Variants in PIK3R3 observed in about 807,000 individuals in gnomAD.
The protein encoded by PIK3R3 is phosphoinositide-3-kinase regulatory subunit 3, also known as phosphatidylinositol 3-kinase regulatory subunit gamma.
In PIK3R3, 64 loss-of-function variants were observed where a neutral mutation model predicts 62.9. The ratio of observed to expected loss-of-function variants is 1.02; its 90% CI spans 0.83 to 1.25. PIK3R3 has a LOEUF of 1.25. Ranked by LOEUF, PIK3R3 falls within the 50% of genes most tolerant of loss-of-function variation. The pLI is 0.00. For missense variants in PIK3R3, 614 were observed against 561.6 expected, an observed-to-expected ratio of 1.09 and a Z score of -0.94; for synonymous variants, 165 against 189.0, an observed-to-expected ratio of 0.87 and a Z score of 1.04.
At chr1:46,047,464 G>GAAAT (rs1222233792) in intron 7 of PIK3R3, among the ~76,000 whole-genome samples, 1 of 144,264 alleles carries the variant, frequency 6.9e-6, no homozygotes, top group East Asian at 2.0e-4. Flanking sequence ...AAGAAAGAAA[G>GAAAT]AAAAGAAAAA....
chr1:46,057,829 C>T (rs1648075779), intron 6 of PIK3R3, among the ~76,000 whole-genome samples: 1 of 152,086 alleles, frequency 6.6e-6, no homozygotes, highest in Admixed American at 6.5e-5. Context: ...AAATTTGCAG[C>T]CTGACAATGC....
chr1:46,053,677 C>G (rs1348589639), intron 7 of PIK3R3, among the ~76,000 whole-genome samples: 3 of 152,112 alleles, frequency 2.0e-5, no homozygotes, highest in Non-Finnish European at 4.4e-5. Flanking sequence ...GACTTCCTAG[C>G]CTCTAGAACT....
chr1:46,110,318 C>T (rs546770850), intron 1 of PIK3R3, among the ~76,000 whole-genome samples: 1 of 135,194 alleles, frequency 7.4e-6, no homozygotes, highest in East Asian at 2.3e-4. Context: ...GTTGAGGTTT[C>T]ACCATGTTGG....
chr1:46,116,347 C>T, intron 1 of PIK3R3, among the ~76,000 whole-genome samples: 1 of 151,532 alleles, frequency 6.6e-6, no homozygotes, highest in Non-Finnish European at 1.5e-5. Flanking sequence ...GCCGTCTCTA[C>T]AAAAATTAAA....
chr1:46,145,621 A>C, the PIK3R3 span, among the ~76,000 whole-genome samples: 1 of 152,158 alleles, frequency 6.6e-6, no homozygotes, highest in Admixed American at 6.5e-5. Flanking sequence ...GGAAGGCATT[A>C]ATATATTTGT....
chr1:46,040,285 G>A lies in PIK3R3; in HGVS notation c.*3388C>T. 1 of 232,712 alleles carries A rather than the reference G, an allele frequency of 4.3e-6. No homozygotes were observed. Among genetic ancestry groups the A allele is most frequent in the African/African-American group, 2.2e-5 (1 of 45,382 alleles). The allele number at this position is 232,712 out of a possible 1,614,324, so 14.4% of individuals were successfully genotyped here. A position where few individuals can be genotyped will look rare whatever the true frequency, so the allele number is the denominator to read the frequency against. On this transcript the variant is annotated 3_prime_UTR_variant, in exon 10 of 10. Coordinates refer to ENST00000262741, the MANE Select transcript of PIK3R3 (RefSeq NM_003629.4). ...CCCCAACAATTGCACAGCAATGTCT[G>A]AACACATCTGGTGACAAGAACAATT...
intron 1 of PIK3R3, among the ~76,000 whole-genome samples, chr1:46,125,112 AAAAATT>A (rs1202352326): frequency 2.0e-5 from 3 of 152,150 alleles, no homozygotes; most frequent in Non-Finnish European, 4.4e-5. Context: ...AAAAAATTTT[AAAAATT>A]AAAATTAAAA....
intron 1 of PIK3R3, among the ~76,000 whole-genome samples, chr1:46,104,165 T>A (rs4300171): frequency 6.6e-6 from 1 of 151,922 alleles, no homozygotes; most frequent in Non-Finnish European, 1.5e-5. Context: ...TGACCTCAGG[T>A]GATCCACTCG....
chr1:46,155,896 A>C, the PIK3R3 span, among the ~76,000 whole-genome samples: 1 of 152,220 alleles, frequency 6.6e-6, no homozygotes, highest in African/African-American at 2.4e-5. Flanking sequence ...AGTCATACTC[A>C]TTCATTTACG....
In PIK3R3 at chr1:46,132,317, T is replaced by C. The variant is rs1444531033; in HGVS notation, c.-365A>G. The stretch of plus-strand genomic sequence containing the variant: ...CCAAATCTTTCCGCGGAAGCCACTT[T>C]TGTGTCCTTCGAAGGAGGGAGAATG... On this transcript the variant is annotated 5_prime_UTR_variant, in exon 1 of 10. Coordinates refer to ENST00000262741, the MANE Select transcript of PIK3R3 (RefSeq NM_003629.4). The C allele has an allele frequency of 2.7e-6, 3 of 1,117,470 alleles. No homozygotes were observed. In the East Asian group the frequency reaches 2.2e-4, roughly 81 times the overall value. 69.2% of individuals were successfully genotyped at this position (1,117,470 alleles called of 1,614,324 possible).
At chr1:46,165,206 T>C in the PIK3R3 span, among the ~76,000 whole-genome samples, 1 of 152,122 alleles carries the variant, frequency 6.6e-6, no homozygotes, top group Non-Finnish European at 1.5e-5. Context: ...CAAACTAGGC[T>C]ATGTGTTCTT....
chr1:46,049,514 G>A (rs2149377169), intron 7 of PIK3R3, among the ~76,000 whole-genome samples: 1 of 152,366 alleles, frequency 6.6e-6, no homozygotes, highest in Non-Finnish European at 1.5e-5. Context: ...ATCCTGGATG[G>A]AGAATGAGGT....
At chr1:46,105,202 T>G in intron 1 of PIK3R3, 1 of 516,340 alleles carries the variant, frequency 1.9e-6, no homozygotes. Context: ...AATACTGAAT[T>G]GTTTAAAAAA....
chr1:46,124,046 G>A (rs1654884771), intron 1 of PIK3R3, among the ~76,000 whole-genome samples: 1 of 152,084 alleles, frequency 6.6e-6, no homozygotes, highest in African/African-American at 2.4e-5. Flanking sequence ...GTAAACACTG[G>A]GAAGGAAGAA....
chr1:46,146,562 A>G, the PIK3R3 span, among the ~76,000 whole-genome samples: 8 of 152,234 alleles, frequency 5.3e-5, no homozygotes, highest in African/African-American at 1.9e-4. Flanking sequence ...GCAGCCAAAA[A>G]TGTCAAATGT....
chr1:46,078,658 C>T (rs1229568913), intron 2 of PIK3R3, among the ~76,000 whole-genome samples: 2 of 152,132 alleles, frequency 1.3e-5, no homozygotes, highest in Admixed American at 1.3e-4. Context: ...CCCAAAATAA[C>T]TGAAAGCAGG....
rs558130540 is a variant in PIK3R3 at position 46,040,884 on chromosome 1, G to A, written c.*2789C>T. On this transcript the variant is annotated 3_prime_UTR_variant, in exon 10 of 10. Transcript: ENST00000262741. ...GGACGCAGGCAGTCTATCCAGGCCC[G>A]AATCATGGCGTGCCATCTAAGGCCA... 1.0e-4 allele frequency: 18 copies of A among 178,776 alleles called. No homozygotes were observed. The highest frequency in any genetic ancestry group is 3.1e-4 in the African/African-American group (13 of 42,418). 11.1% of individuals were successfully genotyped at this position (178,776 alleles called of 1,614,324 possible). A position where few individuals can be genotyped will look rare whatever the true frequency, so the allele number is the denominator to read the frequency against.
At chr1:46,058,347 C>CAA (rs1648139038) in intron 6 of PIK3R3, among the ~76,000 whole-genome samples, 1 of 152,248 alleles carries the variant, frequency 6.6e-6, no homozygotes, top group African/African-American at 2.4e-5. Flanking sequence ...AGCCGCCACA[C>CAA]AGAGTTCCTA....
At chr1:46,049,846 G>A (rs1288295547) in intron 7 of PIK3R3, among the ~76,000 whole-genome samples, 3 of 152,090 alleles carry the variant, frequency 2.0e-5, no homozygotes, top group Non-Finnish European at 4.4e-5. Flanking sequence ...GGAGCTGGAC[G>A]CAGTGGTTCA....
Sources: allele counts gnomAD v4.1 joint callset (sites outside exome capture counted in the v4.1 genomes callset), GRCh38; gene constraint gnomAD v4.1.1; transcripts MANE v1.5; gene names NCBI Gene and HGNC (gene_info 2026-07-23, HGNC 2026-07-21).